Variants in GSDMB observed in about 807,000 individuals in gnomAD.
The protein encoded by GSDMB is gasdermin B.
Under a neutral mutation model 42.9 loss-of-function variants are expected in GSDMB, and 32 were observed. That is an observed-to-expected ratio of 0.75 (90% CI 0.56 to 1.00). The LOEUF is 1.00. GSDMB is among the 50% of genes least tolerant of loss of function. GSDMB has a pLI of 0.00. For missense variants in GSDMB, 468 were observed against 498.5 expected (o/e 0.94, Z 0.58); for synonymous variants, 175 against 193.7 (o/e 0.90, Z 0.80).
At position 39,904,603 on chromosome 17, in the gene GSDMB, C is replaced by T; in HGVS notation, c.*209G>A. ...GGCTTCAAAAGACAAAATTAACATGCACAACCTGCCACTTTTAATCAGAAG... is the reference window on the plus strand; with the variant it reads ...GGCTTCAAAAGACAAAATTAACATGTACAACCTGCCACTTTTAATCAGAAG... On this transcript the variant is annotated 3_prime_UTR_variant, in exon 11 of 11. Transcript: ENST00000418519. 2.1e-6 allele frequency: 1 copy of T among 484,122 alleles called. No homozygotes were observed. The allele number at this position is 484,122 out of a possible 1,614,324, so 30.0% of individuals were successfully genotyped here. A position where few individuals can be genotyped will look rare whatever the true frequency, so the allele number is the denominator to read the frequency against.
In GSDMB at chr17:39,917,250, T is replaced by A. The variant is rs1194950969; in HGVS notation, c.67A>T (p.Ile23Phe). Residue 23 changes from isoleucine (I) to phenylalanine (F), a missense_variant, in exon 2 of 11, where the codon ATT (isoleucine) becomes TTT (phenylalanine). Ile to Phe is a conservative substitution (Grantham distance 21, BLOSUM62 0). Coordinates refer to ENST00000418519, the MANE Select transcript of GSDMB (RefSeq NM_001165958.2). ...VKEMDAGGDM[I>F]AVRSLVDADR... Reference sequence around the variant, plus strand: ...GCATCAACAAGGCTTCTAACGGCAATCATATCCCCTCCAGCATCCATCTCC... The same window carrying A: ...GCATCAACAAGGCTTCTAACGGCAAACATATCCCCTCCAGCATCCATCTCC... 1.2e-6 allele frequency: 2 copies of A among 1,614,044 alleles called. No homozygotes were observed. Among genetic ancestry groups the A allele is most frequent in the Non-Finnish European group, 1.7e-6 (2 of 1,179,908 alleles).
At chr17:39,914,428 G>A (rs2063669266) in intron 2 of GSDMB, among the ~76,000 whole-genome samples, 1 of 152,158 alleles carries the variant, frequency 6.6e-6, no homozygotes, top group African/African-American at 2.4e-5. Flanking sequence ...TAGGATCCTG[G>A]ATGGGATTCT....
chr17:39,905,366 C>G, intron 10 of GSDMB, 60 bp downstream of exon 10: 1 of 1,211,770 alleles, frequency 8.3e-7, no homozygotes, highest in Non-Finnish European at 1.2e-6. Flanking sequence ...TTCTGGGTCC[C>G]TTGAGAATAT....
In GSDMB at chr17:39,906,176, C is replaced by G; in HGVS notation, c.823G>C (p.Asp275His). 6.2e-7 allele frequency: 1 copy of G among 1,614,152 alleles called. No individual in the cohort carries two copies. Among genetic ancestry groups the G allele is most frequent in the Non-Finnish European group, 8.5e-7 (1 of 1,179,988 alleles). ...CACTTAGCGAGGGAGTTTAGCACAT[C>G]TTTTCTCTTCTCCTCTGTCAGGTCC... is the stretch of plus-strand genomic sequence containing the variant. Reference protein sequence around the residue: ...LKDLTEEKRKDVLNSLAKCLG... With the variant: ...LKDLTEEKRKHVLNSLAKCLG... The change falls in exon 8 of 11, where the codon GAT becomes CAT. Residue 275 changes from aspartate (D) to histidine (H), a missense_variant. Transcript: ENST00000418519.
chr17:39,904,762 A>G lies in GSDMB; in HGVS notation c.*50T>C. On this transcript the variant is annotated 3_prime_UTR_variant, in exon 11 of 11. Coordinates refer to ENST00000418519, the MANE Select transcript of GSDMB (RefSeq NM_001165958.2). ...GTAGTGGCGATGGCAGTGAGGACAG[A>G]CTGGTAAAGGGAAAACCCAGAGGCT... 2 of 1,546,868 alleles carry G rather than the reference A, an allele frequency of 1.3e-6. No homozygotes were observed. The highest frequency in any genetic ancestry group is 1.8e-6 in the Non-Finnish European group (2 of 1,124,598).
chr17:39,909,804 A>T lies in GSDMB; in HGVS notation c.528T>A (p.Tyr176Ter). The T allele has an allele frequency of 6.2e-7, 1 of 1,614,088 alleles. No individual in the cohort carries two copies. Among genetic ancestry groups the T allele is most frequent in the Non-Finnish European group, 8.5e-7 (1 of 1,180,008 alleles). The stretch of plus-strand genomic sequence containing the variant: ...CCTGAGAGATCTGGCTCCAAAATTT[A>T]TATTGCCGGTCGCTTTTCAGGGTTT... ...KEETLKSDRQ[Y>*]KFWSQISQGH... is the part of the protein sequence containing the mutation. Residue 176 changes from tyrosine (Y) to a stop codon, truncating the protein, a stop_gained, in exon 4 of 11, where the codon TAT becomes TAA. Coordinates refer to ENST00000418519, the MANE Select transcript of GSDMB (RefSeq NM_001165958.2). LOFTEE classifies it high-confidence loss of function.
At chr17:39,915,857 G>A (rs865857024) in intron 2 of GSDMB, among the ~76,000 whole-genome samples, 4 of 152,198 alleles carry the variant, frequency 2.6e-5, no homozygotes, top group African/African-American at 7.2e-5. Flanking sequence ...GCTCTTTTCC[G>A]TCTCTTGGCA....
rs140109376 is a variant in GSDMB at position 39,905,442 on chromosome 17, G to A, written c.1082C>T (p.Pro361Leu). ...VAEALEKGTL[P>L]LLKDQVKSVM... ...CTGTCTCACCTGGTCCTTCAACAGAGGAAGGGTCCCCTTCTCCAGGGCCTC... is the reference window on the plus strand; with the variant it reads ...CTGTCTCACCTGGTCCTTCAACAGAAGAAGGGTCCCCTTCTCCAGGGCCTC... Residue 361 changes from proline (P) to leucine (L), a missense_variant, in exon 10 of 11, where the codon CCT (proline) becomes CTT (leucine). Coordinates refer to ENST00000418519, the MANE Select transcript of GSDMB (RefSeq NM_001165958.2). 27 of 1,607,014 alleles carry A rather than the reference G, an allele frequency of 1.7e-5. No homozygotes were observed. Among genetic ancestry groups the A allele is most frequent in the Admixed American group, 6.8e-5 (4 of 59,188 alleles).
intron 7 of GSDMB, 50 bp downstream of exon 7, chr17:39,906,911 C>G: frequency 1.2e-6 from 2 of 1,613,126 alleles, no homozygotes; most frequent in Non-Finnish European, 1.7e-6. Flanking sequence ...CACATGGACT[C>G]AGGGTGGGTT....
chr17:39,917,618 T>G, intron 1 of GSDMB: 1 of 365,858 alleles, frequency 2.7e-6, no homozygotes. Context: ...CTTTGTAATA[T>G]TCTCCCCTGC....
chr17:39,910,618 C>T (rs2063589875), intron 3 of GSDMB, among the ~76,000 whole-genome samples: 1 of 152,172 alleles, frequency 6.6e-6, no homozygotes, highest in South Asian at 2.1e-4. Context: ...CCAAGACACC[C>T]TCTTCTCTGA....
intron 2 of GSDMB, among the ~76,000 whole-genome samples, chr17:39,913,768 C>T (rs1345357925): frequency 3.9e-5 from 6 of 152,128 alleles, no homozygotes; most frequent in South Asian, 2.1e-4. Context: ...ACCCCAGGTT[C>T]GTGGAGGATG....
chr17:39,908,384 G>GT (rs2063546119), intron 5 of GSDMB, among the ~76,000 whole-genome samples, 170 bp from the exon 6 acceptor site: 3 of 142,864 alleles, frequency 2.1e-5, no homozygotes, highest in African/African-American at 5.3e-5. Flanking sequence ...TTTGTTTTTT[G>GT]TTTTTTGTTT....
intron 7 of GSDMB, chr17:39,906,520 C>T (rs1351646298): frequency 5.9e-6 from 8 of 1,355,052 alleles, no homozygotes; most frequent in Non-Finnish European, 7.6e-6. Flanking sequence ...TTCTTCTCCA[C>T]TTCCTGGAAA....
rs2063485964 is a variant in GSDMB at position 39,905,410 on chromosome 17, G to A, written c.1098+16C>T. The A allele has an allele frequency of 6.3e-7, 1 of 1,577,050 alleles. No individual in the cohort carries two copies. The highest frequency in any genetic ancestry group is 8.7e-7 in the Non-Finnish European group (1 of 1,154,066). On this transcript the variant is annotated intron_variant, in intron 10 of 10. Coordinates refer to ENST00000418519, the MANE Select transcript of GSDMB (RefSeq NM_001165958.2). ...CCTTCCACTATGACCATGGCCCTCA[G>A]CCCAGGCTGTCTCACCTGGTCCTTC... is the stretch of plus-strand genomic sequence containing the variant.
chr17:39,913,877 G>A (rs1261301816), intron 2 of GSDMB, among the ~76,000 whole-genome samples: 3 of 152,170 alleles, frequency 2.0e-5, no homozygotes, highest in Admixed American at 2.0e-4. Context: ...TTGGAGGCAG[G>A]GCTGGATTTC....
rs1327156633 is a variant in GSDMB at position 39,908,124 on chromosome 17, G to C, written c.700+52C>G. On this transcript the variant is annotated intron_variant, in intron 6 of 10. Transcript: ENST00000418519. Reference sequence around the variant, plus strand: ...CTCTGTAATTCCATTTTTAAAAATAGTGTCTTTGCCCATTCTGAAATGACG... The same window carrying C: ...CTCTGTAATTCCATTTTTAAAAATACTGTCTTTGCCCATTCTGAAATGACG... 6 of 1,004,480 alleles carry C rather than the reference G, an allele frequency of 6.0e-6. No homozygotes were observed. In the East Asian group the frequency reaches 1.3e-4, roughly 22 times the overall value. 62.2% of individuals were successfully genotyped at this position (1,004,480 alleles called of 1,614,324 possible). A position where few individuals can be genotyped will look rare whatever the true frequency, so the allele number is the denominator to read the frequency against.
chr17:39,905,533 T>C (rs776177203), intron 9 of GSDMB, 37 bp from the exon 10 acceptor site: 3 of 1,525,108 alleles, frequency 2.0e-6, no homozygotes, highest in South Asian at 1.1e-5. Flanking sequence ...AGGAGAGATA[T>C]ATGGTGGGAC....
chr17:39,910,837 C>A (rs73307938), intron 3 of GSDMB, among the ~76,000 whole-genome samples: 2,916 of 152,254 alleles, frequency 0.019, 111 homozygotes, highest in African/African-American at 0.066. Context: ...GTGCCCCACC[C>A]CACATACAGA....
Sources: gnomAD v4.1 joint callset for allele counts (sites outside exome capture counted in the v4.1 genomes callset) on GRCh38, gnomAD v4.1.1 for gene constraint, MANE v1.5 for transcripts, NCBI Gene and HGNC (gene_info 2026-07-23, HGNC 2026-07-21) for gene names.